The following L3MBTL4 variants were observed in gnomAD, a reference collection of about 807,000 sequenced individuals.
The protein encoded by L3MBTL4 is L3MBTL histone methyl-lysine binding protein 4, also known as lethal(3)malignant brain tumor-like protein 4.
In L3MBTL4, 70 loss-of-function variants were observed where a neutral mutation model predicts 84.5. The ratio of observed to expected loss-of-function variants is 0.83; its 90% CI spans 0.68 to 1.01. The LOEUF (loss-of-function observed/expected upper bound fraction) is 1.01, where lower values mean the gene tolerates loss of function less well. Ranked by LOEUF, L3MBTL4 falls within the 50% of genes least tolerant of loss-of-function variation. L3MBTL4 has a pLI of 0.00. For missense variants in L3MBTL4, 715 were observed against 754.8 expected, an observed-to-expected ratio of 0.95 and a Z score of 0.62; for synonymous variants, 274 against 259.8, an observed-to-expected ratio of 1.05 and a Z score of -0.52.
At chr18:6,250,090 A>G (rs992504040) in intron 5 of L3MBTL4, among the ~76,000 whole-genome samples, 3 of 152,344 alleles carry the variant, frequency 2.0e-5, no homozygotes, top group Middle Eastern at 3.4e-3. Context: ...TGAGTACAAA[A>G]GTTAAGGTGT....
chr18:6,233,908 T>C (rs559938958), intron 10 of L3MBTL4, among the ~76,000 whole-genome samples: 2 of 152,262 alleles, frequency 1.3e-5, no homozygotes, highest in South Asian at 4.1e-4. Context: ...ACTACCTGAC[T>C]TCAAACTATA....
At chr18:6,302,097 C>T (rs150126409) in intron 3 of L3MBTL4, 140 bp from the exon 4 acceptor site, 1 of 766,918 alleles carries the variant, frequency 1.3e-6, no homozygotes, top group African/African-American at 1.7e-5. Context: ...TACCCAGAGT[C>T]TTCCGGTGGG....
At chr18:6,071,008 A>AT (rs1239369319) in intron 16 of L3MBTL4, among the ~76,000 whole-genome samples, 4 of 152,348 alleles carry the variant, frequency 2.6e-5, no homozygotes, top group African/African-American at 7.2e-5. Context: ...GGAGAATGGT[A>AT]TACTCACATG....
chr18:6,027,339 T>A (rs1445665690), intron 16 of L3MBTL4, among the ~76,000 whole-genome samples: 1 of 152,186 alleles, frequency 6.6e-6, no homozygotes, highest in Non-Finnish European at 1.5e-5. Context: ...TCCAGCTTCA[T>A]GCATGGTCCC....
intron 1 of L3MBTL4, among the ~76,000 whole-genome samples, chr18:6,333,240 A>G (rs2052136400): frequency 6.6e-6 from 1 of 152,196 alleles, no homozygotes; most frequent in East Asian, 1.9e-4. Context: ...TAGAAAATGA[A>G]GAAGCAAAAA....
intron 16 of L3MBTL4, among the ~76,000 whole-genome samples, chr18:6,052,779 G>A (rs1238764293): frequency 1.3e-5 from 2 of 152,228 alleles, no homozygotes; most frequent in African/African-American, 4.8e-5. Context: ...CAGTGCGTTA[G>A]TAGGCTAATG....
intron 14 of L3MBTL4, among the ~76,000 whole-genome samples, chr18:6,112,021 C>G (rs928765341): frequency 6.6e-6 from 1 of 152,148 alleles, no homozygotes; most frequent in Non-Finnish European, 1.5e-5. Context: ...CCCTCTGCTT[C>G]TATGAGTTCA....
chr18:6,104,726 G>A (rs1018726531), intron 14 of L3MBTL4, among the ~76,000 whole-genome samples: 6 of 152,036 alleles, frequency 3.9e-5, no homozygotes, highest in Admixed American at 3.9e-4. Context: ...ATCTCATATT[G>A]TTTTTACCAC....
At chr18:6,318,322 T>C (rs1004352745) in intron 1 of L3MBTL4, among the ~76,000 whole-genome samples, 3 of 151,692 alleles carry the variant, frequency 2.0e-5, no homozygotes, top group East Asian at 1.9e-4. Context: ...GCAGAATGGA[T>C]AGAAAAATCA....
At chr18:6,155,225 G>A (rs1457643017) in intron 13 of L3MBTL4, among the ~76,000 whole-genome samples, 1 of 152,170 alleles carries the variant, frequency 6.6e-6, no homozygotes, top group South Asian at 2.1e-4. Context: ...CTCATTGGTG[G>A]TTATAGAAAT....
chr18:6,200,309 G>C (rs756857372), intron 12 of L3MBTL4, among the ~76,000 whole-genome samples: 2 of 152,190 alleles, frequency 1.3e-5, no homozygotes, highest in Admixed American at 6.5e-5. Flanking sequence ...ACACACTAGA[G>C]TCATTGTGGG....
intron 16 of L3MBTL4, chr18:6,017,686 C>A (rs2055059879): frequency 6.6e-6 from 1 of 152,266 alleles, no homozygotes; most frequent in South Asian, 2.1e-4. Context: ...GAGGAAAGAG[C>A]AATTAATTCT....
intron 1 of L3MBTL4, among the ~76,000 whole-genome samples, chr18:6,336,646 C>T (rs1434377094): frequency 6.6e-6 from 1 of 152,218 alleles, no homozygotes; most frequent in African/African-American, 2.4e-5. Flanking sequence ...CCTAACTTCA[C>T]CTCAGCTAGC....
intron 15 of L3MBTL4, among the ~76,000 whole-genome samples, chr18:6,092,174 CA>C (rs778259570): frequency 2.4e-4 from 37 of 152,110 alleles, no homozygotes; most frequent in Non-Finnish European, 5.0e-4. Flanking sequence ...CAGTCATGTG[CA>C]CAGAGATCAA....
At chr18:6,238,126 C>G in intron 9 of L3MBTL4, 86 bp from the exon 10 acceptor site, 2 of 1,163,506 alleles carry the variant, frequency 1.7e-6, no homozygotes, top group Non-Finnish European at 2.6e-6. Flanking sequence ...TGGATATCAA[C>G]AGATACCACA....
At chr18:6,033,926 A>T (rs761849286) in intron 16 of L3MBTL4, among the ~76,000 whole-genome samples, 18 of 152,310 alleles carry the variant, frequency 1.2e-4, no homozygotes, top group Non-Finnish European at 1.5e-4. Flanking sequence ...AAAAATATGG[A>T]GTTACAAACC....
intron 15 of L3MBTL4, among the ~76,000 whole-genome samples, chr18:6,088,188 G>A (rs2058322431): frequency 1.3e-5 from 2 of 152,328 alleles, no homozygotes; most frequent in South Asian, 4.1e-4. Flanking sequence ...TGAGAGCAAG[G>A]ATAGGACTGG....
chr18:6,016,097 G>C (rs2054964945), intron 16 of L3MBTL4, among the ~76,000 whole-genome samples: 1 of 152,246 alleles, frequency 6.6e-6, no homozygotes, highest in East Asian at 1.9e-4. Context: ...TCAGGAGACA[G>C]AGCAAGGGAA....
At chr18:6,368,463 T>C (rs1386589970) in intron 1 of L3MBTL4, among the ~76,000 whole-genome samples, 1 of 152,208 alleles carries the variant, frequency 6.6e-6, no homozygotes, top group African/African-American at 2.4e-5. Context: ...GGTAGACAGC[T>C]GCTGAGTGTG....
Sources: allele counts gnomAD v4.1 joint callset (sites outside exome capture counted in the v4.1 genomes callset), GRCh38; gene constraint gnomAD v4.1.1; transcripts MANE v1.5; gene names NCBI Gene and HGNC (gene_info 2026-07-23, HGNC 2026-07-21).